Variants in AMBRA1 observed in about 807,000 individuals in gnomAD.
The protein encoded by AMBRA1 is activating molecule in BECN1-regulated autophagy protein 1.
Under a neutral mutation model 125.4 loss-of-function variants are expected in AMBRA1, and 47 were observed. The observed-to-expected ratio is 0.37, with a 90% CI of 0.30 to 0.48. AMBRA1 has a LOEUF of 0.48. Among genes scored for constraint, AMBRA1 ranks in the 20% least tolerant of loss-of-function variants. The pLI is 0.99. For missense variants in AMBRA1, 1,331 were observed against 1,693.4 expected, an observed-to-expected ratio of 0.79 and a Z score of 3.76; for synonymous variants, 626 against 655.5, an observed-to-expected ratio of 0.95 and a Z score of 0.69.
intron 11 of AMBRA1, among the ~76,000 whole-genome samples, chr11:46,487,411 T>C (rs1419707198): frequency 6.6e-6 from 1 of 152,072 alleles, no homozygotes. Flanking sequence ...TAAAAGTAAA[T>C]TTTATGAAAA....
intron 4 of AMBRA1, chr11:46,546,218 TGTATAATATTTTTG>T (rs1953011043): frequency 6.5e-6 from 1 of 153,674 alleles, no homozygotes; most frequent in Admixed American, 6.5e-5. Flanking sequence ...TATAATTTTG[TGTATAATATTTTTG>T]GTATAATATC....
In AMBRA1 at chr11:46,508,311, C is replaced by G. The variant is rs750120363; in HGVS notation, c.2219G>C (p.Ser740Thr). 1 of 1,614,240 alleles carries G rather than the reference C, an allele frequency of 6.2e-7. No individual in the cohort carries two copies. Among genetic ancestry groups the G allele is most frequent in the Non-Finnish European group, 8.5e-7 (1 of 1,180,036 alleles). The change falls in exon 9 of 18, where the codon AGT becomes ACT. Residue 740 changes from serine to threonine, a missense_variant. This residue lies in a region of AMBRA1 where 689 missense variants were observed against 776.5 expected (regional missense o/e 0.89). Transcript: ENST00000683756. ...GTAGCGCATGGAGCGCTGGCGAATA[C>G]TGTCTCTCCGTGAGAGATACTGGAT... ...RMIQYLSRRD[S>T]IRQRSMRYQQ... is the part of the protein sequence containing the mutation.
At position 46,545,605 on chromosome 11, in the gene AMBRA1, G is replaced by A. The variant is rs1460450756; in HGVS notation, c.550C>T (p.Arg184Cys). 5 of 1,613,620 alleles carry A rather than the reference G, an allele frequency of 3.1e-6. No homozygotes were observed. The highest frequency in any genetic ancestry group is 4.2e-6 in the Non-Finnish European group (5 of 1,179,828). ...VKTASEMERV[R>C]LVRFDPLGHY... is the part of the protein sequence containing the mutation. ...ATGCAGATGGGGCAGCGCACTCACC[G>A]GACCCGTTCCATCTCACTAGCTGTC... The change falls in exon 5 of 18, where the codon CGT becomes TGT. Residue 184 changes from arginine to cysteine, a missense_variant and splice_region_variant. Arg to Cys is a radical substitution (Grantham distance 180). Transcript: ENST00000683756.
At chr11:46,435,677 C>A (rs1274390221) in intron 12 of AMBRA1, among the ~76,000 whole-genome samples, 3 of 152,238 alleles carry the variant, frequency 2.0e-5, no homozygotes, top group Non-Finnish European at 4.4e-5. Flanking sequence ...CTTTTCATTT[C>A]CCACTATGCT....
In AMBRA1 at chr11:46,420,971, C is replaced by G. The variant is rs918752168; in HGVS notation, c.2977-2919G>C. ...TCTGAAACAAAAGAATAAAAGACCT[C>G]TTTCCTAGAAATGTTCCAGACCAGA... On this transcript the variant is annotated intron_variant, in intron 14 of 17. Transcript: ENST00000683756. 7.2e-5 allele frequency among the ~76,000 whole-genome samples: 11 copies of G among 152,314 alleles called. No individual in the cohort carries two copies. In the South Asian group the frequency reaches 2.3e-3, roughly 32 times the overall value.
intron 12 of AMBRA1, among the ~76,000 whole-genome samples, chr11:46,437,273 A>C (rs945489781): frequency 1.3e-5 from 2 of 152,198 alleles, no homozygotes. Flanking sequence ...CTGTGCTTGC[A>C]TTTGTATTAT....
intron 1 of AMBRA1, among the ~76,000 whole-genome samples, chr11:46,557,373 G>A (rs1210642267): frequency 6.6e-6 from 1 of 150,488 alleles, no homozygotes; most frequent in Non-Finnish European, 1.5e-5. Flanking sequence ...AAAATAAAAA[G>A]TTTAGGCCAC....
At chr11:46,464,162 A>G (rs148885506) in intron 11 of AMBRA1, among the ~76,000 whole-genome samples, 2 of 152,352 alleles carry the variant, frequency 1.3e-5, no homozygotes, top group Non-Finnish European at 2.9e-5. Context: ...CAAGAAGAGA[A>G]GAGCAGGTGC....
At chr11:46,470,694 G>A (rs1387912274) in intron 11 of AMBRA1, among the ~76,000 whole-genome samples, 2 of 151,844 alleles carry the variant, frequency 1.3e-5, no homozygotes, top group Non-Finnish European at 2.9e-5. Flanking sequence ...CCCAGGAGTT[G>A]GGTGCTTGCA....
intron 14 of AMBRA1, among the ~76,000 whole-genome samples, chr11:46,421,719 A>G (rs1190173905): frequency 6.6e-6 from 1 of 152,220 alleles, no homozygotes. Flanking sequence ...AATTAGCCCT[A>G]CAGATGAGAG....
chr11:46,409,439 C>G (rs565638811), intron 16 of AMBRA1, among the ~76,000 whole-genome samples: 3 of 152,266 alleles, frequency 2.0e-5, no homozygotes, highest in African/African-American at 7.2e-5. Context: ...ACCTCGTGAT[C>G]CGCCCGCCTC....
intron 11 of AMBRA1, among the ~76,000 whole-genome samples, chr11:46,450,216 G>C (rs1211607950): frequency 6.6e-6 from 1 of 152,030 alleles, no homozygotes; most frequent in Non-Finnish European, 1.5e-5. Context: ...CCATACAATG[G>C]AATATTATTC....
At chr11:46,571,747 T>C (rs1164556275) in intron 1 of AMBRA1, among the ~76,000 whole-genome samples, 1 of 143,496 alleles carries the variant, frequency 7.0e-6, no homozygotes, top group Non-Finnish European at 1.5e-5. Flanking sequence ...TGGAGTGCAG[T>C]GGCGTGATCT....
intron 6 of AMBRA1, among the ~76,000 whole-genome samples, 180 bp from the exon 7 acceptor site, chr11:46,543,578 G>A (rs1263799313): frequency 1.3e-5 from 2 of 152,130 alleles, no homozygotes; most frequent in Non-Finnish European, 2.9e-5. Flanking sequence ...TAATCACATG[G>A]TATTAAATTT....
At position 46,593,849 on chromosome 11, in the gene AMBRA1, G is replaced by A. The variant is rs968939237; in HGVS notation, c.-142C>T. ...CTACCTGCAAGGCAGACGGGAGCTC[G>A]GTTTGCAGTCCAGCGAACGGGCTGA... is the stretch of plus-strand genomic sequence containing the variant. On this transcript the variant is annotated 5_prime_UTR_variant, in exon 1 of 18. Coordinates refer to ENST00000683756, the MANE Select transcript of AMBRA1 (RefSeq NM_001387011.1). 1.0e-5 allele frequency: 4 copies of A among 397,042 alleles called. No homozygotes were observed. The highest frequency in any genetic ancestry group is 6.2e-5 in the African/African-American group (3 of 48,608). 24.6% of individuals were successfully genotyped at this position (397,042 alleles called of 1,614,324 possible). A position where few individuals can be genotyped will look rare whatever the true frequency, so the allele number is the denominator to read the frequency against.
chr11:46,501,470 G>A (rs1950836548), intron 9 of AMBRA1, among the ~76,000 whole-genome samples: 1 of 152,236 alleles, frequency 6.6e-6, no homozygotes. Flanking sequence ...ATGGGAATAA[G>A]CAGGTTGGAA....
At chr11:46,517,050 G>A (rs1013590182) in intron 7 of AMBRA1, among the ~76,000 whole-genome samples, 3 of 152,068 alleles carry the variant, frequency 2.0e-5, no homozygotes, top group African/African-American at 7.2e-5. Flanking sequence ...AGGTATACGA[G>A]GGGTTGTGCT....
intron 4 of AMBRA1, among the ~76,000 whole-genome samples, chr11:46,546,771 A>G (rs1237892328): frequency 1.3e-5 from 2 of 152,216 alleles, no homozygotes; most frequent in Admixed American, 6.5e-5. Context: ...AAGTCTCTGC[A>G]TTTAGAATAC....
intron 7 of AMBRA1, among the ~76,000 whole-genome samples, chr11:46,531,447 C>A (rs989225206): frequency 1.3e-5 from 2 of 152,116 alleles, no homozygotes; most frequent in African/African-American, 4.8e-5. Flanking sequence ...CGGTGGCTCA[C>A]GCCTGTAATC....
Sources: allele counts gnomAD v4.1 joint callset (sites outside exome capture counted in the v4.1 genomes callset), GRCh38; gene constraint gnomAD v4.1.1; regional missense constraint gnomAD v4.1.1; transcripts MANE v1.5; gene names NCBI Gene and HGNC (gene_info 2026-07-23, HGNC 2026-07-21).